Variants in AUTS2 observed in about 807,000 individuals in gnomAD.
The protein encoded by AUTS2 is autism susceptibility gene 2 protein.
A neutral mutation model predicts 112.4 loss-of-function variants in AUTS2; 17 were observed. The ratio of observed to expected loss-of-function variants is 0.15; its 90% CI spans 0.10 to 0.23. AUTS2 has a LOEUF of 0.23. Ranked by LOEUF, AUTS2 falls within the 10% of genes least tolerant of loss-of-function variation. The pLI, the probability that AUTS2 is intolerant of heterozygous loss-of-function variation, is 1.00. For synonymous variants in AUTS2, 751 were observed against 702.7 expected (o/e 1.07, Z -1.09); for missense variants, 1,510 against 1,701.6 (o/e 0.89, Z 1.98).
intron 1 of AUTS2, among the ~76,000 whole-genome samples, chr7:69,790,374 A>G (rs1789560934): frequency 6.6e-6 from 1 of 152,214 alleles, no homozygotes; most frequent in African/African-American, 2.4e-5. Flanking sequence ...AATACACATT[A>G]TGGAGGATAA....
At chr7:69,709,227 A>G (rs555713909) in intron 1 of AUTS2, among the ~76,000 whole-genome samples, 2 of 152,326 alleles carry the variant, frequency 1.3e-5, no homozygotes, top group African/African-American at 4.8e-5. Context: ...GGTGGCATTA[A>G]TCTTTGCGAA....
chr7:70,112,957 A>G (rs1466611542), intron 2 of AUTS2, among the ~76,000 whole-genome samples: 1 of 151,790 alleles, frequency 6.6e-6, no homozygotes, highest in African/African-American at 2.4e-5. Flanking sequence ...GTCATTTTAT[A>G]TTTGGTAATT....
chr7:70,382,142 T>C (rs1384037456), intron 4 of AUTS2, among the ~76,000 whole-genome samples: 1 of 152,200 alleles, frequency 6.6e-6, no homozygotes, highest in Admixed American at 6.5e-5. Flanking sequence ...TAATCTCCTC[T>C]TCTCTCCAAA....
At chr7:70,310,928 A>C (rs1364591510) in intron 4 of AUTS2, among the ~76,000 whole-genome samples, 1 of 152,212 alleles carries the variant, frequency 6.6e-6, no homozygotes, top group Non-Finnish European at 1.5e-5. Context: ...TTTTTAAAAA[A>C]TGGCAAGCGT....
chr7:70,649,993 G>T (rs912120252), intron 5 of AUTS2, among the ~76,000 whole-genome samples: 1 of 152,152 alleles, frequency 6.6e-6, no homozygotes, highest in Non-Finnish European at 1.5e-5. Context: ...GCAGGGGGGC[G>T]GGTGTGAGTA....
intron 1 of AUTS2, among the ~76,000 whole-genome samples, chr7:69,655,303 A>G (rs144695392): frequency 6.6e-6 from 1 of 152,360 alleles, no homozygotes; most frequent in African/African-American, 2.4e-5. Flanking sequence ...TTTTGTGGAT[A>G]TAAAAAGCTC....
At chr7:69,611,376 C>T (rs779952756) in intron 1 of AUTS2, among the ~76,000 whole-genome samples, 3 of 151,984 alleles carry the variant, frequency 2.0e-5, no homozygotes, top group Non-Finnish European at 4.4e-5. Context: ...CTGGGAGGTG[C>T]GATTTCACAC....
intron 1 of AUTS2, among the ~76,000 whole-genome samples, chr7:69,850,053 G>A (rs907179270): frequency 1.3e-5 from 2 of 152,006 alleles, no homozygotes; most frequent in African/African-American, 2.4e-5. Flanking sequence ...CCAGCACTTT[G>A]GGAGGCCGAG....
chr7:70,089,838 G>A (rs1194123651), intron 2 of AUTS2, among the ~76,000 whole-genome samples: 9 of 151,432 alleles, frequency 5.9e-5, no homozygotes, highest in East Asian at 3.9e-4. Flanking sequence ...GCGAAACCCC[G>A]TCTACTAAAA....
chr7:69,600,968 A>G (rs1424104845), intron 1 of AUTS2, among the ~76,000 whole-genome samples: 1 of 149,208 alleles, frequency 6.7e-6, no homozygotes, highest in Non-Finnish European at 1.5e-5. Context: ...CTTCCAGCCA[A>G]CTGGCTCCTA....
intron 2 of AUTS2, among the ~76,000 whole-genome samples, chr7:70,090,284 T>G (rs927231562): frequency 1.3e-5 from 2 of 152,094 alleles, no homozygotes; most frequent in African/African-American, 4.8e-5. Flanking sequence ...ATTCTACTTT[T>G]ATATATGTTC....
At chr7:70,046,964 C>T (rs1801534123) in intron 2 of AUTS2, among the ~76,000 whole-genome samples, 1 of 152,108 alleles carries the variant, frequency 6.6e-6, no homozygotes, top group Non-Finnish European at 1.5e-5. Flanking sequence ...GGCTAGATAA[C>T]CTGAGAACCA....
In AUTS2 at chr7:69,599,315, T is replaced by C. The variant is rs982830579; in HGVS notation, c.-339T>C. ...ATTGCTTGCTTGGTGAGTTATTTTT[T>C]TTTCCTCTAAAGGAGACCTGTGTGT... On this transcript the variant is annotated 5_prime_UTR_variant, in exon 1 of 19. Coordinates refer to ENST00000342771, the MANE Select transcript of AUTS2 (RefSeq NM_015570.4). This position sits in a 1 kb window ranked among gnomAD's most constrained non-coding sequence, Gnocchi z 7.0. 4.3e-6 allele frequency: 1 copy of C among 230,624 alleles called. No homozygotes were observed. The highest frequency in any genetic ancestry group is 2.3e-5 in the African/African-American group (1 of 43,974). 14.3% of individuals were successfully genotyped at this position (230,624 alleles called of 1,614,324 possible). A position where few individuals can be genotyped will look rare whatever the true frequency, so the allele number is the denominator to read the frequency against.
chr7:69,886,546 A>G (rs898892023), intron 1 of AUTS2, among the ~76,000 whole-genome samples: 2 of 152,206 alleles, frequency 1.3e-5, no homozygotes, highest in Admixed American at 1.3e-4. Context: ...TCTAAACTTT[A>G]AATTGTCTTT....
chr7:70,408,380 G>A (rs1794632511), intron 4 of AUTS2, among the ~76,000 whole-genome samples: 1 of 152,184 alleles, frequency 6.6e-6, no homozygotes, highest in Non-Finnish European at 1.5e-5. Context: ...CCACAGTGGG[G>A]ACATTCAAGA....
chr7:69,925,632 C>G (rs1192520332), intron 2 of AUTS2, among the ~76,000 whole-genome samples: 1 of 152,136 alleles, frequency 6.6e-6, no homozygotes, highest in Non-Finnish European at 1.5e-5. Flanking sequence ...GTGATCATAG[C>G]TCATTGCACC....
intron 1 of AUTS2, among the ~76,000 whole-genome samples, chr7:69,835,152 A>G (rs1298415891): frequency 6.6e-6 from 1 of 151,956 alleles, no homozygotes; most frequent in African/African-American, 2.4e-5. Flanking sequence ...CAATTTCTAG[A>G]ATCTCACTAA....
At chr7:70,585,815 C>CA (rs1802656160) in intron 5 of AUTS2, among the ~76,000 whole-genome samples, 1 of 151,894 alleles carries the variant, frequency 6.6e-6, no homozygotes, top group Admixed American at 6.6e-5. Flanking sequence ...ACATGTGGGA[C>CA]AAAACCAATG....
At chr7:70,482,429 G>T (rs1475456472) in intron 5 of AUTS2, among the ~76,000 whole-genome samples, 1 of 152,134 alleles carries the variant, frequency 6.6e-6, no homozygotes, top group Non-Finnish European at 1.5e-5. Flanking sequence ...TAAGGAAAAG[G>T]GAGAAAGACT....
Sources: allele counts gnomAD v4.1 joint callset (sites outside exome capture counted in the v4.1 genomes callset), GRCh38; gene constraint gnomAD v4.1.1; non-coding constraint Gnocchi (gnomAD v3.1); transcripts MANE v1.5; gene names NCBI Gene and HGNC (gene_info 2026-07-23, HGNC 2026-07-21).